Variants in PTPRD observed in about 807,000 individuals in gnomAD.
PTPRD encodes protein tyrosine phosphatase receptor type D.
Under a neutral mutation model 214.5 loss-of-function variants are expected in PTPRD, and 34 were observed. That is an observed-to-expected ratio of 0.16 (90% CI 0.12 to 0.21). The LOEUF is 0.21. Ranked by LOEUF, PTPRD falls within the 10% of genes least tolerant of loss-of-function variation. The probability of loss-of-function intolerance (pLI) is 1.00; values close to 1 mark genes in which losing one functional copy is unlikely to be tolerated. For missense variants in PTPRD, 2,545 were observed against 2,398.7 expected (o/e 1.06, Z -1.27); for synonymous variants, 1,128 against 845.7 (o/e 1.33, Z -5.79).
intron 3 of PTPRD, among the ~76,000 whole-genome samples, chr9:10,042,625 A>G (rs1425154629): frequency 1.3e-5 from 2 of 151,902 alleles, no homozygotes; most frequent in African/African-American, 2.4e-5. Flanking sequence ...ACTGACAGAG[A>G]TGATGCTGAT....
chr9:10,095,306 A>G (rs2098472173), intron 3 of PTPRD, among the ~76,000 whole-genome samples: 1 of 151,546 alleles, frequency 6.6e-6, no homozygotes, highest in South Asian at 2.1e-4. Flanking sequence ...GGAGCATAAT[A>G]TAGACTACTT....
At chr9:9,178,650 A>G (rs1051791072) in intron 10 of PTPRD, among the ~76,000 whole-genome samples, 3 of 152,112 alleles carry the variant, frequency 2.0e-5, no homozygotes, top group East Asian at 3.9e-4. Flanking sequence ...TTAGAGCTGA[A>G]AAGCATTTAG....
At chr9:9,235,653 G>T (rs1264578558) in intron 9 of PTPRD, among the ~76,000 whole-genome samples, 1 of 152,088 alleles carries the variant, frequency 6.6e-6, no homozygotes, top group Admixed American at 6.6e-5. Flanking sequence ...GAACATACTG[G>T]TGTTATTCTC....
In PTPRD at chr9:9,340,587, C is replaced by T. The variant is rs72698856; in HGVS notation, c.-203+56862G>A. On this transcript the variant is annotated intron_variant, in intron 9 of 45. Transcript: ENST00000381196. ...ATTACTGCTACAGACTTGGTGGGTG[C>T]GTGATCACACTGTGAGTTAATACAG... 5.4e-3 allele frequency among the ~76,000 whole-genome samples: 828 copies of T among 152,170 alleles called. 5 individuals carry two copies. Among genetic ancestry groups the T allele is most frequent in the Admixed American group, 7.7e-3 (118 of 15,266 alleles).
chr9:10,564,512 T>G (rs541952256), intron 2 of PTPRD, among the ~76,000 whole-genome samples: 1 of 152,040 alleles, frequency 6.6e-6, no homozygotes, highest in African/African-American at 2.4e-5. Flanking sequence ...GTGGCCATAT[T>G]AGCTGGGCTA....
At chr9:9,779,345 C>T (rs1241321258) in intron 5 of PTPRD, among the ~76,000 whole-genome samples, 1 of 151,932 alleles carries the variant, frequency 6.6e-6, no homozygotes, top group Non-Finnish European at 1.5e-5. Context: ...AAAACAAAAA[C>T]TGATAAGTGG....
chr9:10,592,554 G>A (rs1479458375), intron 2 of PTPRD, among the ~76,000 whole-genome samples: 1 of 151,918 alleles, frequency 6.6e-6, no homozygotes. Context: ...TATGTCTACT[G>A]GTAGTGAGAG....
intron 2 of PTPRD, among the ~76,000 whole-genome samples, chr9:10,432,318 G>C (rs1360153016): frequency 6.7e-6 from 1 of 149,448 alleles, no homozygotes; most frequent in Admixed American, 6.7e-5. Flanking sequence ...GATAGCATTG[G>C]GAGATATACC....
chr9:9,228,191 C>A (rs2099960768), intron 9 of PTPRD, among the ~76,000 whole-genome samples: 2 of 152,006 alleles, frequency 1.3e-5, no homozygotes, highest in South Asian at 2.1e-4. Context: ...CTCTTATAAC[C>A]CCTGTGCTTC....
At chr9:8,710,244 T>C (rs775576841) in intron 12 of PTPRD, among the ~76,000 whole-genome samples, 3 of 152,148 alleles carry the variant, frequency 2.0e-5, no homozygotes, top group Non-Finnish European at 4.4e-5. Flanking sequence ...AAGACTTGGC[T>C]CTCTTAAAGG....
At chr9:10,363,961 G>A (rs1480424371) in intron 2 of PTPRD, among the ~76,000 whole-genome samples, 1 of 113,320 alleles carries the variant, frequency 8.8e-6, no homozygotes, top group Admixed American at 9.4e-5. Context: ...CAATCAATAT[G>A]TACTATTATT....
intron 13 of PTPRD, among the ~76,000 whole-genome samples, chr9:8,635,961 C>T (rs561281078): frequency 6.6e-6 from 1 of 152,162 alleles, no homozygotes; most frequent in South Asian, 2.1e-4. Context: ...TCACCATCTT[C>T]GCTGCACTGA....
Position 9,371,745 on chromosome 9 carries a change from C to A in PTPRD, c.-203+25704G>T, listed in dbSNP as rs563353540. Among the ~76,000 whole-genome samples, 5 of 152,206 alleles carry A rather than the reference C, an allele frequency of 3.3e-5. No individual in the cohort carries two copies. The East Asian group carries it at 7.7e-4, about 23-fold the overall frequency. On this transcript the variant is annotated intron_variant, in intron 9 of 45. Transcript: ENST00000381196. ...GATCTTTCCTGCTTTCTCTTGTGGG[C>A]ATTTAGTGCTATAAATTTCCCTCTA...
intron 14 of PTPRD, among the ~76,000 whole-genome samples, chr9:8,591,392 C>T (rs2094096432): frequency 6.6e-6 from 1 of 152,148 alleles, no homozygotes; most frequent in Admixed American, 6.5e-5. Flanking sequence ...CAAAGGAAGA[C>T]ACATCTGACA....
chr9:8,358,698 C>G (rs1201537478), intron 39 of PTPRD, among the ~76,000 whole-genome samples: 3 of 152,014 alleles, frequency 2.0e-5, no homozygotes, highest in Non-Finnish European at 2.9e-5. Context: ...TTCAGTTAGC[C>G]TAACCACAGA....
rs34926923 is a variant in PTPRD at position 10,103,395 on chromosome 9, T to TATATATATA, written c.-544-69606_-544-69605insTATATATAT. Among the ~76,000 whole-genome samples the TATATATATA allele has an allele frequency of 4.2e-3, 495 of 116,712 alleles. 40 individuals are homozygous for TATATATATA. The highest frequency in any genetic ancestry group is 5.4e-3 in the South Asian group (21 of 3,862). 76.6% of individuals were successfully genotyped at this position (116,712 alleles called of 152,430 possible). ...CTGCATATTATATATATATATATAT[T>TATATATATA]TATTTAAGAGCATTGCAGTAAGAAA... On this transcript the variant is annotated intron_variant, in intron 3 of 45. Coordinates refer to ENST00000381196, the MANE Select transcript of PTPRD (RefSeq NM_002839.4).
chr9:10,374,333 C>T (rs1030218763), intron 2 of PTPRD, among the ~76,000 whole-genome samples: 2 of 151,984 alleles, frequency 1.3e-5, no homozygotes, highest in African/African-American at 4.8e-5. Context: ...AGTGATAGTG[C>T]ATTATCTAGG....
intron 10 of PTPRD, among the ~76,000 whole-genome samples, chr9:9,066,808 C>T (rs1255648320): frequency 1.3e-5 from 2 of 152,182 alleles, no homozygotes; most frequent in South Asian, 2.1e-4. Flanking sequence ...CAGAACTTTG[C>T]GAAGCAGTGT....
At chr9:8,941,848 T>C (rs954004767) in intron 11 of PTPRD, among the ~76,000 whole-genome samples, 3 of 152,102 alleles carry the variant, frequency 2.0e-5, no homozygotes, top group Admixed American at 1.3e-4. Flanking sequence ...TCTTTTTGCC[T>C]AGGCTGGAGT....
Sources: allele counts gnomAD v4.1 joint callset (sites outside exome capture counted in the v4.1 genomes callset), GRCh38; gene constraint gnomAD v4.1.1; transcripts MANE v1.5; gene names NCBI Gene and HGNC (gene_info 2026-07-23, HGNC 2026-07-21).